Variants in PACRG observed in about 807,000 individuals in gnomAD.
PACRG encodes the protein parkin coregulated.
A neutral mutation model predicts 29.7 loss-of-function variants in PACRG; 29 were observed. That is an observed-to-expected ratio of 0.98 (90% CI 0.73 to 1.33). The LOEUF (loss-of-function observed/expected upper bound fraction) is 1.33. PACRG is among the 40% of genes most tolerant of loss of function. The pLI is 0.00. For missense variants in PACRG, 279 were observed against 316.2 expected (o/e 0.88, Z 0.89); for synonymous variants, 116 against 118.7 (o/e 0.98, Z 0.15).
intron 2 of PACRG, among the ~76,000 whole-genome samples, chr6:162,892,227 G>A (rs890661007): frequency 1.3e-5 from 2 of 152,210 alleles, no homozygotes; most frequent in Non-Finnish European, 1.5e-5. Context: ...ACTCAGGAGT[G>A]GACAGATGAC....
chr6:162,765,024 G>A (rs1357482114), intron 1 of PACRG, among the ~76,000 whole-genome samples: 1 of 152,000 alleles, frequency 6.6e-6, no homozygotes, highest in Non-Finnish European at 1.5e-5. Context: ...GATTACAGGC[G>A]TGAGCCACCG....
intron 2 of PACRG, among the ~76,000 whole-genome samples, chr6:162,968,597 A>G (rs946701445): frequency 6.6e-6 from 1 of 152,222 alleles, no homozygotes; most frequent in Non-Finnish European, 1.5e-5. Flanking sequence ...TGTCAAAATT[A>G]CTGATGTTCC....
intron 2 of PACRG, among the ~76,000 whole-genome samples, chr6:162,831,266 T>C (rs1788749928): frequency 6.6e-6 from 1 of 152,174 alleles, no homozygotes; most frequent in South Asian, 2.1e-4. Context: ...TGATTAAAAT[T>C]TAGTGATGTT....
At chr6:163,270,572 C>A (rs1783789092) in intron 4 of PACRG, among the ~76,000 whole-genome samples, 1 of 151,922 alleles carries the variant, frequency 6.6e-6, no homozygotes. Context: ...AGGGATCTCA[C>A]CATATTGCCC....
intron 1 of PACRG, among the ~76,000 whole-genome samples, chr6:162,765,537 G>A (rs1483930978): frequency 6.6e-6 from 1 of 152,172 alleles, no homozygotes; most frequent in East Asian, 1.9e-4. Context: ...GGAAAAGGGA[G>A]AGTCAGAGCT....
At chr6:162,803,685 G>A (rs1786072586) in intron 1 of PACRG, among the ~76,000 whole-genome samples, 1 of 152,018 alleles carries the variant, frequency 6.6e-6, no homozygotes, top group Admixed American at 6.6e-5. Context: ...CATTAATGAG[G>A]AAAAGACATG....
chr6:162,963,027 A>T (rs1262660448), intron 2 of PACRG, among the ~76,000 whole-genome samples: 1 of 152,162 alleles, frequency 6.6e-6, no homozygotes, highest in African/African-American at 2.4e-5. Flanking sequence ...ATTAGTTCTA[A>T]TGATACTTGT....
chr6:162,873,294 A>G (rs1415337444), intron 2 of PACRG, among the ~76,000 whole-genome samples: 1 of 152,150 alleles, frequency 6.6e-6, no homozygotes, highest in Non-Finnish European at 1.5e-5. Flanking sequence ...TGCCCTGTCC[A>G]TCATAGATTC....
intron 2 of PACRG, among the ~76,000 whole-genome samples, chr6:162,912,431 A>G (rs554828248): frequency 1.3e-5 from 2 of 152,346 alleles, no homozygotes; most frequent in South Asian, 4.1e-4. Flanking sequence ...AGCAGTGCAC[A>G]AGTATTGCGG....
chr6:163,167,371 G>T lies in PACRG; in HGVS notation c.613+77963G>T, dbSNP rs145066208. Among the ~76,000 whole-genome samples the T allele has an allele frequency of 5.6e-4, 86 of 152,258 alleles. 1 individual carries two copies. The highest frequency in any genetic ancestry group is 1.8e-3 in the African/African-American group (73 of 41,552). On this transcript the variant is annotated intron_variant, in intron 4 of 4. Transcript: ENST00000366888. Reference sequence around the variant, plus strand: ...CGCCTCCAGAAAGCATCAGAGGGTCGCAGCTTAATCACTGATTCATTAAGT... The same window carrying T: ...CGCCTCCAGAAAGCATCAGAGGGTCTCAGCTTAATCACTGATTCATTAAGT...
At chr6:163,206,803 T>A (rs1780921623) in intron 4 of PACRG, among the ~76,000 whole-genome samples, 2 of 83,390 alleles carry the variant, frequency 2.4e-5, no homozygotes, top group South Asian at 6.5e-4. Flanking sequence ...AGAAGCTTTG[T>A]CACAAGTAAT....
chr6:162,920,431 C>T (rs1345056197), intron 2 of PACRG, among the ~76,000 whole-genome samples: 2 of 152,192 alleles, frequency 1.3e-5, no homozygotes, highest in African/African-American at 2.4e-5. Context: ...TTACCATAGA[C>T]ACAGCACCTC....
At chr6:163,302,706 T>C (rs1358926124) in intron 4 of PACRG, among the ~76,000 whole-genome samples, 10 of 152,240 alleles carry the variant, frequency 6.6e-5, no homozygotes, top group Admixed American at 6.5e-4. Context: ...GAGTAGGTAC[T>C]TTAGGCAAGC....
chr6:163,152,292 C>G (rs920806146), intron 4 of PACRG, among the ~76,000 whole-genome samples: 1 of 152,190 alleles, frequency 6.6e-6, no homozygotes, highest in Non-Finnish European at 1.5e-5. Flanking sequence ...TAAAATGCTT[C>G]TATGGTTTCA....
intron 4 of PACRG, among the ~76,000 whole-genome samples, chr6:163,231,254 T>C (rs1333871529): frequency 6.6e-6 from 1 of 152,240 alleles, no homozygotes; most frequent in Non-Finnish European, 1.5e-5. Flanking sequence ...TCTCTTAACT[T>C]CATCCACTGT....
At chr6:162,957,726 T>G (rs572501309) in intron 2 of PACRG, among the ~76,000 whole-genome samples, 1 of 152,322 alleles carries the variant, frequency 6.6e-6, no homozygotes, top group African/African-American at 2.4e-5. Context: ...ATGGTTTTCC[T>G]TTTAAAATTA....
chr6:163,064,716 G>A (rs896992174), intron 3 of PACRG, among the ~76,000 whole-genome samples: 38 of 152,270 alleles, frequency 2.5e-4, no homozygotes, highest in African/African-American at 9.1e-4. Context: ...AAGGGCTGAT[G>A]TACATAATTG....
chr6:163,109,041 G>A (rs1815561762), intron 4 of PACRG, among the ~76,000 whole-genome samples: 1 of 152,178 alleles, frequency 6.6e-6, no homozygotes, highest in Admixed American at 6.5e-5. Context: ...CCCTCCAGTA[G>A]GCATGCTGAC....
intron 2 of PACRG, among the ~76,000 whole-genome samples, chr6:162,994,965 C>G (rs1193969830): frequency 0.01 from 1,558 of 149,346 alleles, 17 homozygotes; most frequent in Non-Finnish European, 0.015. Flanking sequence ...TAACAGACAG[C>G]ACCCTCAGCT....
Sources: allele counts gnomAD v4.1 joint callset (sites outside exome capture counted in the v4.1 genomes callset), GRCh38; gene constraint gnomAD v4.1.1; transcripts MANE v1.5; gene names NCBI Gene and HGNC (gene_info 2026-07-23, HGNC 2026-07-21).